Variants in CWF19L1 observed in about 807,000 individuals in gnomAD.
CWF19L1 encodes the protein CWF19 like cell cycle control factor 1, also known as CWF19-like protein 1.
In CWF19L1, 60 loss-of-function variants were observed where a neutral mutation model predicts 69.7. The ratio of observed to expected loss-of-function variants is 0.86; its 90% CI spans 0.70 to 1.07. The LOEUF (loss-of-function observed/expected upper bound fraction) is 1.07. Among genes scored for constraint, CWF19L1 ranks in the 50% least tolerant of loss-of-function variants. The probability of loss-of-function intolerance (pLI) is 0.00; values close to 1 mark genes in which losing one functional copy is unlikely to be tolerated. For missense variants in CWF19L1, 591 were observed against 638.9 expected (o/e 0.92, Z 0.81); for synonymous variants, 209 against 222.2 (o/e 0.94, Z 0.53).
At chr10:100,240,818 A>G (rs1388431057) in intron 10 of CWF19L1, among the ~76,000 whole-genome samples, 1 of 152,026 alleles carries the variant, frequency 6.6e-6, no homozygotes, top group Non-Finnish European at 1.5e-5. Flanking sequence ...AAACTAATCC[A>G]AAGACGAAAA....
intron 9 of CWF19L1, among the ~76,000 whole-genome samples, 184 bp from the exon 10 acceptor site, chr10:100,243,961 T>C (rs1347534715): frequency 3.3e-5 from 5 of 152,206 alleles, no homozygotes; most frequent in Admixed American, 2.6e-4. Context: ...AAATTAAACT[T>C]CCATTAGAAT....
intron 11 of CWF19L1, chr10:100,237,365 C>T (rs973600439): frequency 4.7e-6 from 2 of 425,500 alleles, no homozygotes; most frequent in Admixed American, 2.8e-5. Flanking sequence ...AGACTATTTC[C>T]TACCACTAAG....
At chr10:100,236,722 A>T (rs1022910580) in intron 12 of CWF19L1, 128 bp downstream of exon 12, 1 of 1,143,210 alleles carries the variant, frequency 8.7e-7, no homozygotes, top group African/African-American at 1.6e-5. Flanking sequence ...GTGAGCCAAG[A>T]TCATGCCACT....
In CWF19L1 at chr10:100,259,071, C is replaced by T. The variant is rs200593928; in HGVS notation, c.289+1147G>A. On this transcript the variant is annotated intron_variant, in intron 4 of 13. Transcript: ENST00000354105. ...CAAAAATTAGCTGGGTATGGTAGTG[C>T]GTGCCTGTAATCCCAGCTACTCGGA... Among the ~76,000 whole-genome samples, 16 of 151,704 alleles carry T rather than the reference C, an allele frequency of 1.1e-4. No homozygotes were observed. In the East Asian group the frequency reaches 2.3e-3, roughly 22 times the overall value.
In CWF19L1 at chr10:100,236,975, G is replaced by T. The variant is rs201550692; in HGVS notation, c.1255-6C>A. On this transcript the variant is annotated splice_polypyrimidine_tract_variant and splice_region_variant and intron_variant, in intron 11 of 13. Transcript: ENST00000354105. ...CTGATTGGGACAGGAATGACCTGGGGGTTGGGGAGACAGGAGAAATTCCTT... is the reference window on the plus strand; with the variant it reads ...CTGATTGGGACAGGAATGACCTGGGTGTTGGGGAGACAGGAGAAATTCCTT... The T allele has an allele frequency of 3.2e-6, 5 of 1,569,080 alleles. No homozygotes were observed. The highest frequency in any genetic ancestry group is 1.4e-5 in the African/African-American group (1 of 73,098).
Position 100,238,004 on chromosome 10 carries a change from T to C in CWF19L1, c.1254+18A>G. 1 of 1,612,184 alleles carries C rather than the reference T, an allele frequency of 6.2e-7. No individual in the cohort carries two copies. Among genetic ancestry groups the C allele is most frequent in the Non-Finnish European group, 8.5e-7 (1 of 1,178,272 alleles). ...TCCCCATAGCGCCCTTCCAAGTTTC[T>C]ATGAACAGACCACCTACCTGTAGCT... On this transcript the variant is annotated intron_variant, in intron 11 of 13. Coordinates refer to ENST00000354105, the MANE Select transcript of CWF19L1 (RefSeq NM_018294.6).
intron 6 of CWF19L1, among the ~76,000 whole-genome samples, chr10:100,251,505 CTTTTTTTTTTT>C (rs1208146959): frequency 1.1e-5 from 1 of 88,296 alleles, no homozygotes; most frequent in Non-Finnish European, 2.0e-5. Context: ...GTCTATTGGC[CTTTTTTTTTTT>C]TTTTTTTTTT....
chr10:100,264,304 G>C (rs1847499461), intron 1 of CWF19L1, among the ~76,000 whole-genome samples: 1 of 152,186 alleles, frequency 6.6e-6, no homozygotes, highest in Non-Finnish European at 1.5e-5. Context: ...CCAGCACTTT[G>C]GGAGGCCAAG....
intron 4 of CWF19L1, among the ~76,000 whole-genome samples, chr10:100,256,805 T>C (rs1376952076): frequency 2.0e-5 from 3 of 152,204 alleles, no homozygotes; most frequent in Non-Finnish European, 4.4e-5. Context: ...GAGAAGATTC[T>C]ACATGGACTT....
At chr10:100,257,448 C>T (rs1157308370) in intron 4 of CWF19L1, among the ~76,000 whole-genome samples, 7 of 151,676 alleles carry the variant, frequency 4.6e-5, no homozygotes, top group Admixed American at 2.6e-4. Flanking sequence ...TACAGGTGAC[C>T]GCCACCATGC....
chr10:100,247,206 G>C (rs574816890), intron 7 of CWF19L1, among the ~76,000 whole-genome samples: 2 of 152,256 alleles, frequency 1.3e-5, no homozygotes, highest in East Asian at 3.9e-4. Flanking sequence ...TCGGATAATG[G>C]AATAGTGACA....
At chr10:100,243,807 A>G in intron 9 of CWF19L1, 30 bp from the exon 10 acceptor site, 1 of 1,578,830 alleles carries the variant, frequency 6.3e-7, no homozygotes, top group Non-Finnish European at 8.7e-7. Context: ...AGGTGTTACT[A>G]TGGTCCAAGC....
At position 100,246,831 on chromosome 10, in the gene CWF19L1, C is replaced by G. The variant is rs756909290; in HGVS notation, c.813G>C (p.Gln271His). The G allele has an allele frequency of 6.2e-7, 1 of 1,614,096 alleles. No homozygotes were observed. Among genetic ancestry groups the G allele is most frequent in the Admixed American group, 1.7e-5 (1 of 60,022 alleles). Residue 271 changes from glutamine to histidine, a missense_variant, in exon 8 of 14, where the codon CAG becomes CAC. Transcript: ENST00000354105. Reference protein sequence around the residue: ...VTENPYRKSGQEASIGKQILA... With the variant: ...VTENPYRKSGHEASIGKQILA... ...GAATTTGCTTTCCTATGGATGCTTC[C>G]TGCCCAGATTTTCTGTAAGGGTTTT... is the stretch of plus-strand genomic sequence containing the variant.
chr10:100,267,225 T>C (rs969435483), intron 1 of CWF19L1, among the ~76,000 whole-genome samples: 7 of 140,352 alleles, frequency 5.0e-5, no homozygotes, highest in African/African-American at 1.6e-4. Context: ...GGCCCATCAG[T>C]GGGCCCAATG....
chr10:100,244,827 G>C (rs1288874711), intron 9 of CWF19L1, among the ~76,000 whole-genome samples: 1 of 150,734 alleles, frequency 6.6e-6, no homozygotes, highest in African/African-American at 2.4e-5. Context: ...CTAATTTTTT[G>C]TATTTTTAGT....
At chr10:100,255,524 AG>A (rs1183550968) in intron 5 of CWF19L1, among the ~76,000 whole-genome samples, 11 of 152,278 alleles carry the variant, frequency 7.2e-5, no homozygotes, top group Non-Finnish European at 1.3e-4. Context: ...GCACTTTGGG[AG>A]GCCGAGGCAG....
chr10:100,245,674 C>T, intron 9 of CWF19L1, 125 bp downstream of exon 9: 1 of 685,236 alleles, frequency 1.5e-6, no homozygotes, highest in Non-Finnish European at 2.5e-6. Context: ...TACTGTTGGT[C>T]CTAATGACTC....
Position 100,260,265 on chromosome 10 carries a change from A to G in CWF19L1, c.242T>C (p.Phe81Ser). 1 of 1,613,058 alleles carries G rather than the reference A, an allele frequency of 6.2e-7. No individual in the cohort carries two copies. Reference sequence around the variant, plus strand: ...TAATTCACATCCATCAGCATCCTGGAAATATTTTACTGTTTCCTGGTTATT... The same window carrying G: ...TAATTCACATCCATCAGCATCCTGGGAATATTTTACTGTTTCCTGGTTATT... ...GANNQETVKYFQDADGCELAE... is the reference protein window; with the variant it reads ...GANNQETVKYSQDADGCELAE... The change falls in exon 4 of 14, where the codon TTC (phenylalanine) becomes TCC (serine). Residue 81 changes from phenylalanine to serine, a missense_variant. Phe to Ser is a radical substitution (Grantham distance 155). This residue lies in a region of CWF19L1 where 129 missense variants were observed against 131.3 expected (regional missense o/e 0.98). Coordinates refer to ENST00000354105, the MANE Select transcript of CWF19L1 (RefSeq NM_018294.6).
In CWF19L1 at chr10:100,245,863, C is replaced by T. The variant is rs12269345; in HGVS notation, c.900G>A (p.Arg300=). 0.035 allele frequency: 55,774 copies of T among 1,613,950 alleles called. 2,203 individuals carry two copies. Among genetic ancestry groups the T allele is most frequent in the African/African-American group, 0.17 (12,710 of 75,002 alleles). The stretch of plus-strand genomic sequence containing the variant: ...TATCTCTACCTGTGGATGAACGCTT[C>T]CTTCCCTGCTTTTCATTTAAATCAA... ...FFFDLNEKQG[R]KRSSTGRDSK... Residue 300 remains arginine (R), a synonymous_variant, in exon 9 of 14, where the codon AGG becomes AGA. Transcript: ENST00000354105.
Sources: allele counts gnomAD v4.1 joint callset (sites outside exome capture counted in the v4.1 genomes callset), GRCh38; gene constraint gnomAD v4.1.1; regional missense constraint gnomAD v4.1.1; transcripts MANE v1.5; gene names NCBI Gene and HGNC (gene_info 2026-07-23, HGNC 2026-07-21).